TMEM132D: variants seen among roughly 807,000 people sequenced by gnomAD.
TMEM132D encodes the protein mature OL transmembrane protein.
In TMEM132D, 21 loss-of-function variants were observed where a neutral mutation model predicts 62.3. That is an observed-to-expected ratio of 0.34 (90% CI 0.24 to 0.49). TMEM132D has a LOEUF of 0.49. Among genes scored for constraint, TMEM132D ranks in the 20% least tolerant of loss-of-function variants. The probability of loss-of-function intolerance (pLI) is 0.99; values close to 1 mark genes in which losing one functional copy is unlikely to be tolerated. For synonymous variants in TMEM132D, 621 were observed against 575.6 expected (o/e 1.08, Z -1.13); for missense variants, 1,346 against 1,402.8 (o/e 0.96, Z 0.65).
intron 3 of TMEM132D, among the ~76,000 whole-genome samples, chr12:129,510,484 C>T (rs1044756008): frequency 6.6e-6 from 1 of 152,076 alleles, no homozygotes; most frequent in African/African-American, 2.4e-5. Context: ...TCCTATCTGT[C>T]CGTGTTTGCT....
intron 3 of TMEM132D, among the ~76,000 whole-genome samples, chr12:129,401,351 G>C (rs1018443623): frequency 6.6e-6 from 1 of 152,168 alleles, no homozygotes; most frequent in African/African-American, 2.4e-5. Context: ...AAGATTGCTT[G>C]AGGCCAGGAG....
chr12:129,619,975 G>C (rs155721), intron 2 of TMEM132D, among the ~76,000 whole-genome samples: 6 of 152,074 alleles, frequency 3.9e-5, no homozygotes, highest in Non-Finnish European at 8.8e-5. Context: ...CCCTAACCAC[G>C]GCCCAAAGCC....
intron 2 of TMEM132D, among the ~76,000 whole-genome samples, chr12:129,654,381 GTT>G (rs76210358): frequency 0.24 from 35,709 of 151,572 alleles, 4,518 homozygotes; most frequent in Admixed American, 0.29. Flanking sequence ...TGGTACAGGT[GTT>G]TTTCCTAATC....
intron 1 of TMEM132D, among the ~76,000 whole-genome samples, chr12:129,830,951 C>T (rs374230928): frequency 6.6e-6 from 1 of 152,100 alleles, no homozygotes; most frequent in South Asian, 2.1e-4. Flanking sequence ...GGAGACACCC[C>T]AGGACTCTCC....
chr12:129,526,290 T>A (rs1210961543), intron 3 of TMEM132D, among the ~76,000 whole-genome samples: 1 of 151,946 alleles, frequency 6.6e-6, no homozygotes, highest in Non-Finnish European at 1.5e-5. Context: ...TTTTTTCTTA[T>A]TTTTTTCCTC....
At chr12:129,216,017 C>T (rs1214451149) in intron 4 of TMEM132D, among the ~76,000 whole-genome samples, 1 of 152,188 alleles carries the variant, frequency 6.6e-6, no homozygotes, top group African/African-American at 2.4e-5. Context: ...ATTATAGGAG[C>T]TACAATTCAA....
chr12:129,147,522 T>C (rs1272631244), intron 5 of TMEM132D, among the ~76,000 whole-genome samples: 1 of 152,162 alleles, frequency 6.6e-6, no homozygotes, highest in Non-Finnish European at 1.5e-5. Flanking sequence ...ATGTATCCAT[T>C]CCTCCATCCA....
chr12:129,428,123 C>T lies in TMEM132D; in HGVS notation c.1116-90306G>A, dbSNP rs77611775. Among the ~76,000 whole-genome samples, 275 of 152,122 alleles carry T rather than the reference C, an allele frequency of 1.8e-3. 2 individuals carry two copies. The highest frequency in any genetic ancestry group is 6.3e-3 in the African/African-American group (261 of 41,518). ...AAGCAAACAAAAACAAAAGAGAAAA[C>T]CAGGAAGATGAAAGGTCAGAGGTGA... is the stretch of plus-strand genomic sequence containing the variant. On this transcript the variant is annotated intron_variant, in intron 3 of 8. Transcript: ENST00000422113.
intron 2 of TMEM132D, among the ~76,000 whole-genome samples, chr12:129,689,042 A>G (rs1880998295): frequency 6.6e-6 from 1 of 152,210 alleles, no homozygotes; most frequent in African/African-American, 2.4e-5. Flanking sequence ...GTCAGAGGCC[A>G]GAGATGCTTC....
At chr12:129,230,956 G>A (rs1392036152) in intron 4 of TMEM132D, among the ~76,000 whole-genome samples, 1 of 152,194 alleles carries the variant, frequency 6.6e-6, no homozygotes, top group Non-Finnish European at 1.5e-5. Context: ...TCCATTCCAT[G>A]ATCATCACCT....
At chr12:129,103,401 G>C (rs1875380188) in intron 5 of TMEM132D, among the ~76,000 whole-genome samples, 1 of 152,192 alleles carries the variant, frequency 6.6e-6, no homozygotes, top group African/African-American at 2.4e-5. Context: ...CCCCACCTCG[G>C]AGGCCTGGCT....
At chr12:129,885,110 A>T (rs536803131) in intron 1 of TMEM132D, among the ~76,000 whole-genome samples, 1 of 152,312 alleles carries the variant, frequency 6.6e-6, no homozygotes, top group South Asian at 2.1e-4. Context: ...TTCCCAGGGG[A>T]TGAGGAAAAA....
chr12:129,584,313 T>C (rs906418031), intron 2 of TMEM132D, among the ~76,000 whole-genome samples: 1 of 152,194 alleles, frequency 6.6e-6, no homozygotes, highest in African/African-American at 2.4e-5. Context: ...GTACTAATGT[T>C]TTTACCTAAT....
Position 129,337,820 on chromosome 12 carries a change from GGA to G in TMEM132D, c.1116-5_1116-4del. On this transcript the variant is annotated splice_region_variant and splice_polypyrimidine_tract_variant and intron_variant, in intron 3 of 8. Transcript: ENST00000422113. ...CCTCGTAGGAGGCGCCATCCGCACT[GGA>G]GAGAAGACACAGAGGAGAACAGCTT... is the stretch of plus-strand genomic sequence containing the variant. 6.2e-7 allele frequency: 1 copy of G among 1,602,824 alleles called. No individual in the cohort carries two copies. Among genetic ancestry groups the G allele is most frequent in the Non-Finnish European group, 8.5e-7 (1 of 1,173,360 alleles).
rs541411952 is a variant in TMEM132D, at chr12:129,617,384, C to A, written c.968+82426G>T. On this transcript the variant is annotated intron_variant, in intron 2 of 8. Coordinates refer to ENST00000422113, the MANE Select transcript of TMEM132D (RefSeq NM_133448.3). ...TGTTGTCTCAGGCCTCAGCTTCTCACTTCACCTCCCTGTACCCCAGCTGTT... is the reference window on the plus strand; with the variant it reads ...TGTTGTCTCAGGCCTCAGCTTCTCAATTCACCTCCCTGTACCCCAGCTGTT... 5.3e-5 allele frequency among the ~76,000 whole-genome samples: 8 copies of A among 152,348 alleles called. No individual in the cohort carries two copies. In the East Asian group the frequency reaches 1.5e-3, roughly 29 times the overall value.
chr12:129,393,225 C>T (rs1395402768), intron 3 of TMEM132D, among the ~76,000 whole-genome samples: 1 of 152,220 alleles, frequency 6.6e-6, no homozygotes, highest in African/African-American at 2.4e-5. Context: ...GTCTTCCTTA[C>T]CATGTTTGCC....
At chr12:129,808,179 G>T (rs928051104) in intron 1 of TMEM132D, among the ~76,000 whole-genome samples, 12 of 152,166 alleles carry the variant, frequency 7.9e-5, no homozygotes, top group African/African-American at 2.9e-4. Flanking sequence ...ATGGAGCACA[G>T]CTTAATCACA....
At position 129,448,642 on chromosome 12, in the gene TMEM132D, G is replaced by A. The variant is rs114949604; in HGVS notation, c.1115+82417C>T. Among the ~76,000 whole-genome samples the A allele has an allele frequency of 3.2e-3, 481 of 152,180 alleles. 4 individuals are homozygous for A. Among genetic ancestry groups the A allele is most frequent in the African/African-American group, 0.011 (453 of 41,504 alleles). On this transcript the variant is annotated intron_variant, in intron 3 of 8. Coordinates refer to ENST00000422113, the MANE Select transcript of TMEM132D (RefSeq NM_133448.3). Reference sequence around the variant, plus strand: ...CAGTCGGTCATTGGTGAGCATTTACGTTGATTCCAATTTTTTTCAAAGTAT... The same window carrying A: ...CAGTCGGTCATTGGTGAGCATTTACATTGATTCCAATTTTTTTCAAAGTAT...
chr12:129,568,089 T>A (rs965473730), intron 2 of TMEM132D, among the ~76,000 whole-genome samples: 1 of 152,220 alleles, frequency 6.6e-6, no homozygotes, highest in Non-Finnish European at 1.5e-5. Flanking sequence ...ACAGGAGCTC[T>A]AAGTGGGGAG....
Sources: gnomAD v4.1 joint callset for allele counts (sites outside exome capture counted in the v4.1 genomes callset) on GRCh38, gnomAD v4.1.1 for gene constraint, MANE v1.5 for transcripts, NCBI Gene and HGNC (gene_info 2026-07-23, HGNC 2026-07-21) for gene names.